Variants in UBE2J2 observed in about 807,000 individuals in gnomAD.
UBE2J2 encodes ubiquitin conjugating enzyme E2 J2.
In UBE2J2, 5 loss-of-function variants were observed where a neutral mutation model predicts 28.6. The ratio of observed to expected loss-of-function variants is 0.17; its 90% CI spans 0.09 to 0.37. The LOEUF (loss-of-function observed/expected upper bound fraction) is 0.37, where lower values mean the gene tolerates loss of function less well. Among genes scored for constraint, UBE2J2 ranks in the 10% least tolerant of loss-of-function variants. The pLI, the probability that UBE2J2 is intolerant of heterozygous loss-of-function variation, is 1.00. For synonymous variants in UBE2J2, 138 were observed against 139.7 expected (o/e 0.99, Z 0.09); for missense variants, 226 against 338.9 (o/e 0.67, Z 2.62).
chr1:1,256,846 C>G (rs1639207424), intron 5 of UBE2J2, 146 bp downstream of exon 5: 1 of 739,202 alleles, frequency 1.4e-6, no homozygotes, highest in Admixed American at 3.3e-5. Flanking sequence ...GAGATTGCGC[C>G]ACTGCACTCC....
intron 2 of UBE2J2, chr1:1,264,697 CAGG>C (rs1230129508): frequency 6.6e-6 from 1 of 152,218 alleles, no homozygotes; most frequent in Admixed American, 6.6e-5. Context: ...TGCCTGAGGT[CAGG>C]AGTTCAACAC....
At chr1:1,266,699 C>A (rs780675944) in intron 2 of UBE2J2, among the ~76,000 whole-genome samples, 3 of 151,664 alleles carry the variant, frequency 2.0e-5, no homozygotes, top group Non-Finnish European at 4.4e-5. Flanking sequence ...TGGTGGCAGG[C>A]GCCTGTAGTC....
chr1:1,264,974 G>T (rs1051751883), intron 2 of UBE2J2: 2 of 152,582 alleles, frequency 1.3e-5, no homozygotes, highest in Non-Finnish European at 2.9e-5. Context: ...GAGCCAGCTG[G>T]TATGTTTTAC....
At chr1:1,272,073 G>T (rs1221906722) in intron 1 of UBE2J2, among the ~76,000 whole-genome samples, 1 of 149,482 alleles carries the variant, frequency 6.7e-6, no homozygotes, top group Non-Finnish European at 1.5e-5. Flanking sequence ...AGAATTACTT[G>T]AACTCGGGAG....
rs201753274 is a variant in UBE2J2, at chr1:1,257,100, C to T, written c.306G>A (p.Pro102=). ...CAGACCAGGCCGGGTTCCACGTGTCCGGGTGGAAATCCGTGATAGAAAGAC... is the reference window on the plus strand; with the variant it reads ...CAGACCAGGCCGGGTTCCACGTGTCTGGGTGGAAATCCGTGATAGAAAGAC... ...RLCLSITDFH[P]DTWNPAWSVS... Residue 102 remains proline, a synonymous_variant, in exon 5 of 7, where the codon CCG becomes CCA. Coordinates refer to ENST00000349431, the MANE Select transcript of UBE2J2 (RefSeq NM_058167.3). 2.1e-5 allele frequency: 34 copies of T among 1,612,612 alleles called. No homozygotes were observed. The highest frequency in any genetic ancestry group is 4.0e-5 in the African/African-American group (3 of 74,870).
chr1:1,261,321 C>A (rs1639547552), intron 3 of UBE2J2, among the ~76,000 whole-genome samples: 1 of 152,136 alleles, frequency 6.6e-6, no homozygotes, highest in African/African-American at 2.4e-5. Context: ...TTCCTGAGAC[C>A]CAGGACCAGC....
chr1:1,257,187 C>T lies in UBE2J2; in HGVS notation c.275+21G>A, dbSNP rs201713927. ...CCCCACCGCAGCCAGAAAGCCTCCG[C>T]GGCCCCTCCAGGCACCTTACCTGGT... On this transcript the variant is annotated intron_variant, in intron 4 of 6. Coordinates refer to ENST00000349431, the MANE Select transcript of UBE2J2 (RefSeq NM_058167.3). 2.6e-5 allele frequency: 42 copies of T among 1,602,738 alleles called. No individual in the cohort carries two copies. The East Asian group carries it at 6.3e-4, about 24-fold the overall frequency.
At chr1:1,267,823 G>A (rs202061858) in intron 2 of UBE2J2, 39 bp downstream of exon 2, 35 of 1,602,048 alleles carry the variant, frequency 2.2e-5, no homozygotes, top group African/African-American at 2.7e-5. Flanking sequence ...GCGTGGCAGC[G>A]ACAGTCAGCG....
chr1:1,259,198 CAT>C (rs1491212937), intron 3 of UBE2J2, among the ~76,000 whole-genome samples: 7 of 148,482 alleles, frequency 4.7e-5, no homozygotes, highest in Admixed American at 6.7e-5. Context: ...CACTTGTGTG[CAT>C]GTGTGTGTGT....
intron 1 of UBE2J2, among the ~76,000 whole-genome samples, chr1:1,270,018 G>A (rs1640066767): frequency 6.6e-6 from 1 of 152,188 alleles, no homozygotes; most frequent in African/African-American, 2.4e-5. Flanking sequence ...AGCCGTTCCA[G>A]TGAAAGCGAG....
Position 1,268,562 on chromosome 1 carries a change from C to T in UBE2J2, c.1-570G>A, listed in dbSNP as rs776987874. Among the ~76,000 whole-genome samples, 10 of 152,180 alleles carry T rather than the reference C, an allele frequency of 6.6e-5. No individual in the cohort carries two copies. Among genetic ancestry groups the T allele is most frequent in the Non-Finnish European group, 1.5e-4 (10 of 68,046 alleles). On this transcript the variant is annotated intron_variant, in intron 1 of 6. Transcript: ENST00000349431. The surrounding 1 kb of genome is among the most constrained non-coding windows in gnomAD (Gnocchi z 4.7). ...TGGAGACTCCAAGGCACTCACTGGG[C>T]AGAGCAGCTGTCTTCCTGGTAGAAG...
In UBE2J2 at chr1:1,268,006, C is replaced by A. The variant is rs752717386; in HGVS notation, c.1-14G>T. ...GGTGCTGCTCATCTGTTAAAAGCAA[C>A]GTCTACACTGACGACGAGAAGCAGC... On this transcript the variant is annotated splice_polypyrimidine_tract_variant and intron_variant, in intron 1 of 6. Transcript: ENST00000349431. The surrounding 1 kb of genome is among the most constrained non-coding windows in gnomAD (Gnocchi z 4.7). 6.2e-7 allele frequency: 1 copy of A among 1,612,306 alleles called. No homozygotes were observed. The highest frequency in any genetic ancestry group is 8.5e-7 in the Non-Finnish European group (1 of 1,178,828).
Position 1,268,667 on chromosome 1 carries a change from G to A in UBE2J2, c.1-675C>T, listed in dbSNP as rs1376634982. On this transcript the variant is annotated intron_variant, in intron 1 of 6. Coordinates refer to ENST00000349431, the MANE Select transcript of UBE2J2 (RefSeq NM_058167.3). The surrounding 1 kb of genome is among the most constrained non-coding windows in gnomAD (Gnocchi z 4.7). ...CACAGTGAGGGCAGGGATAAGACTG[G>A]CCAGGGAGGCAGGGCCAGGGCATAA... Among the ~76,000 whole-genome samples the A allele has an allele frequency of 6.6e-6, 1 of 152,158 alleles. No homozygotes were observed. The highest frequency in any genetic ancestry group is 2.4e-5 in the African/African-American group (1 of 41,434).
At position 1,262,655 on chromosome 1, in the gene UBE2J2, T is replaced by C. The variant is rs1639631434; in HGVS notation, c.172+691A>G. On this transcript the variant is annotated intron_variant, in intron 3 of 6. Coordinates refer to ENST00000349431, the MANE Select transcript of UBE2J2 (RefSeq NM_058167.3). The stretch of plus-strand genomic sequence containing the variant: ...CTGCTGACCTGGCCCTGCTCTGCCT[T>C]GTGCTTGCCGGCGGGACAGTATTCA... 2.6e-5 allele frequency among the ~76,000 whole-genome samples: 4 copies of C among 152,186 alleles called. No homozygotes were observed. In the South Asian group the frequency reaches 8.3e-4, roughly 31 times the overall value.
chr1:1,263,458 T>C, intron 2 of UBE2J2, 72 bp from the exon 3 acceptor site: 8 of 1,424,214 alleles, frequency 5.6e-6, no homozygotes, highest in Non-Finnish European at 7.9e-6. Context: ...ATTCCAAGCC[T>C]GGGGTTTATA....
chr1:1,267,788 G>C (rs1387213120), intron 2 of UBE2J2, 74 bp downstream of exon 2: 7 of 1,586,522 alleles, frequency 4.4e-6, no homozygotes, highest in Non-Finnish European at 6.0e-6. Flanking sequence ...CACCAGGCTC[G>C]CCCAGCAGGG....
Position 1,255,422 on chromosome 1 carries a change from T to C in UBE2J2, c.561A>G (p.Pro187=), listed in dbSNP as rs918644196. Residue 187 remains proline, a synonymous_variant, in exon 7 of 7, where the codon CCA becomes CCG. Coordinates refer to ENST00000349431, the MANE Select transcript of UBE2J2 (RefSeq NM_058167.3). ...LSSRPQTLPL[P]DVVPDGETHL... The stretch of plus-strand genomic sequence containing the variant: ...GCGTCTCCCCGTCTGGAACCACGTC[T>C]GGCAAGGGGAGAGTCTGGGGTCTGC... The C allele has an allele frequency of 1.2e-6, 2 of 1,613,924 alleles. No individual in the cohort carries two copies. The highest frequency in any genetic ancestry group is 2.2e-5 in the East Asian group (1 of 44,874).
intron 1 of UBE2J2, among the ~76,000 whole-genome samples, chr1:1,270,946 G>C (rs755948949): frequency 1.3e-5 from 2 of 151,930 alleles, no homozygotes; most frequent in Non-Finnish European, 2.9e-5. Flanking sequence ...CCTTCTCACA[G>C]CTGCTTCCCA....
chr1:1,264,264 A>G (rs945541060), intron 2 of UBE2J2, among the ~76,000 whole-genome samples: 1 of 152,208 alleles, frequency 6.6e-6, no homozygotes, highest in African/African-American at 2.4e-5. Flanking sequence ...CAAATCGACT[A>G]AACACTCCTC....
Sources: allele counts gnomAD v4.1 joint callset (sites outside exome capture counted in the v4.1 genomes callset), GRCh38; gene constraint gnomAD v4.1.1; non-coding constraint Gnocchi (gnomAD v3.1); transcripts MANE v1.5; gene names NCBI Gene and HGNC (gene_info 2026-07-23, HGNC 2026-07-21).